The following IGSF3 variants were observed in gnomAD, a reference collection of about 807,000 sequenced individuals.
IGSF3 encodes the protein immunoglobulin superfamily member 3.
Under a neutral mutation model 114.4 loss-of-function variants are expected in IGSF3, and 23 were observed. The ratio of observed to expected loss-of-function variants is 0.20; its 90% CI spans 0.14 to 0.28. The LOEUF (loss-of-function observed/expected upper bound fraction) is 0.28, where lower values mean the gene tolerates loss of function less well. Ranked by LOEUF, IGSF3 falls within the 10% of genes least tolerant of loss-of-function variation. IGSF3 has a pLI of 1.00. For synonymous variants in IGSF3, 571 were observed against 645.2 expected, an observed-to-expected ratio of 0.88 and a Z score of 1.74; for missense variants, 1,172 against 1,591.5, an observed-to-expected ratio of 0.74 and a Z score of 4.48.
At position 116,618,576 on chromosome 1, in the gene IGSF3, A is replaced by G. The variant is rs534011412; in HGVS notation, c.44-2119T>C. On this transcript the variant is annotated intron_variant, in intron 2 of 10. Coordinates refer to ENST00000369486, the MANE Select transcript of IGSF3 (RefSeq NM_001007237.3). This position sits in a 1 kb window ranked among gnomAD's most constrained non-coding sequence, Gnocchi z 4.7. ...GGGACATTTCATTTTCCATAATAAA[A>G]TATATAAATGAAAATATATATCCCA... is the stretch of plus-strand genomic sequence containing the variant. Among the ~76,000 whole-genome samples, 1 of 152,348 alleles carries G rather than the reference A, an allele frequency of 6.6e-6. No individual in the cohort carries two copies. The highest frequency in any genetic ancestry group is 2.1e-4 in the South Asian group (1 of 4,826).
chr1:116,574,565 A>G lies in IGSF3; in HGVS notation c.*2747T>C, dbSNP rs567171613. The G allele has an allele frequency of 6.5e-6, 1 of 152,684 alleles. No individual in the cohort carries two copies. Among genetic ancestry groups the G allele is most frequent in the Non-Finnish European group, 1.5e-5 (1 of 68,016 alleles). The allele number at this position is 152,684 out of a possible 1,614,324, so 9.5% of individuals were successfully genotyped here. Reference sequence around the variant, plus strand: ...CTTACCCCATCTTTTTTTTTCCTCAATAATTAACGCAGAGAAACCATTGTT... The same window carrying G: ...CTTACCCCATCTTTTTTTTTCCTCAGTAATTAACGCAGAGAAACCATTGTT... On this transcript the variant is annotated 3_prime_UTR_variant, in exon 11 of 11. Transcript: ENST00000369486. This position sits in a 1 kb window ranked among gnomAD's most constrained non-coding sequence, Gnocchi z 5.2.
intron 7 of IGSF3, among the ~76,000 whole-genome samples, chr1:116,590,714 C>A (rs1660073423): frequency 1.3e-5 from 2 of 152,094 alleles, no homozygotes; most frequent in African/African-American, 4.8e-5. Context: ...ATGACCCTGG[C>A]CTGCCAGCTG....
In IGSF3 at chr1:116,603,928, C is replaced by A. The variant is rs371121579; in HGVS notation, c.1320G>T (p.Pro440=). The change falls in exon 6 of 11, where the codon CCG becomes CCT. Residue 440 remains proline, a synonymous_variant. Transcript: ENST00000369486. The surrounding 1 kb of genome is among the most constrained non-coding windows in gnomAD (Gnocchi z 7.1). ...GCCAGATGACAGAGAAGCGACCCTG[C>A]GGCCTGCCTGCCGTGCGGACACTGC... ...FSCSVRTAGR[P]QGRFSVIWQL... is the part of the protein sequence containing the mutation. The A allele has an allele frequency of 4.1e-5, 66 of 1,613,926 alleles. No individual in the cohort carries two copies. The African/African-American group carries it at 6.5e-4, about 16-fold the overall frequency.
Position 116,629,835 on chromosome 1 carries a change from C to T in IGSF3, c.44-13378G>A, listed in dbSNP as rs1647474696. Among the ~76,000 whole-genome samples the T allele has an allele frequency of 6.6e-6, 1 of 152,166 alleles. No individual in the cohort carries two copies. Among genetic ancestry groups the T allele is most frequent in the African/African-American group, 2.4e-5 (1 of 41,436 alleles). On this transcript the variant is annotated intron_variant, in intron 2 of 10. Transcript: ENST00000369486. This position sits in a 1 kb window ranked among gnomAD's most constrained non-coding sequence, Gnocchi z 4.3. Reference sequence around the variant, plus strand: ...TTCTGAGTTATTAAACTTTCCATTCCATGTTGATCCCTTCCAAGCCTTCTA... The same window carrying T: ...TTCTGAGTTATTAAACTTTCCATTCTATGTTGATCCCTTCCAAGCCTTCTA...
rs1660983629 is a variant in IGSF3 at position 116,610,600 on chromosome 1, T to C, written c.833-2269A>G. Among the ~76,000 whole-genome samples, 1 of 152,138 alleles carries C rather than the reference T, an allele frequency of 6.6e-6. No individual in the cohort carries two copies. Among genetic ancestry groups the C allele is most frequent in the East Asian group, 1.9e-4 (1 of 5,194 alleles). On this transcript the variant is annotated intron_variant, in intron 4 of 10. Transcript: ENST00000369486. The surrounding 1 kb of genome is among the most constrained non-coding windows in gnomAD (Gnocchi z 4.3). Reference sequence around the variant, plus strand: ...CCTACCCCCATCCTAACCAAAGGCTTTCCTCAAGCAGGTTGAGGCCTCTGA... The same window carrying C: ...CCTACCCCCATCCTAACCAAAGGCTCTCCTCAAGCAGGTTGAGGCCTCTGA...
rs1020791600 is a variant in IGSF3, at chr1:116,647,102, G to A, written c.43+19182C>T. 1.3e-5 allele frequency among the ~76,000 whole-genome samples: 2 copies of A among 152,300 alleles called. No homozygotes were observed. The highest frequency in any genetic ancestry group is 2.9e-5 in the Non-Finnish European group (2 of 68,028). On this transcript the variant is annotated intron_variant, in intron 2 of 10. Coordinates refer to ENST00000369486, the MANE Select transcript of IGSF3 (RefSeq NM_001007237.3). This position sits in a 1 kb window ranked among gnomAD's most constrained non-coding sequence, Gnocchi z 4.6. Reference sequence around the variant, plus strand: ...ATGGAGAGGGCAGCAATAAAAACTGGGGGACACTTAGAGGCAAAGGTATGG... The same window carrying A: ...ATGGAGAGGGCAGCAATAAAAACTGAGGGACACTTAGAGGCAAAGGTATGG...
chr1:116,663,350 C>G (rs1221133807), intron 2 of IGSF3, among the ~76,000 whole-genome samples: 1 of 152,156 alleles, frequency 6.6e-6, no homozygotes, highest in Non-Finnish European at 1.5e-5. Flanking sequence ...TCACCCTTCC[C>G]TTCCTACCAC....
At chr1:116,599,387 C>A (rs547616176) in intron 7 of IGSF3, among the ~76,000 whole-genome samples, 2 of 120,304 alleles carry the variant, frequency 1.7e-5, no homozygotes, top group South Asian at 4.7e-4. Flanking sequence ...CAGACACATA[C>A]ATATACACAC....
Position 116,607,842 on chromosome 1 carries a change from T to C in IGSF3, c.1222+100A>G. 8.3e-7 allele frequency: 1 copy of C among 1,208,076 alleles called. No homozygotes were observed. Among genetic ancestry groups the C allele is most frequent in the Non-Finnish European group, 1.2e-6 (1 of 837,982 alleles). The allele number at this position is 1,208,076 out of a possible 1,614,324, so 74.8% of individuals were successfully genotyped here. ...CTCTGCATTAACCTCGAGGGTTCCATCTGCCTCCCCTCACCTTCACCACGC... is the reference window on the plus strand; with the variant it reads ...CTCTGCATTAACCTCGAGGGTTCCACCTGCCTCCCCTCACCTTCACCACGC... On this transcript the variant is annotated intron_variant, in intron 5 of 10. Transcript: ENST00000369486. This position sits in a 1 kb window ranked among gnomAD's most constrained non-coding sequence, Gnocchi z 6.1.
In IGSF3 at chr1:116,634,810, G is replaced by A. The variant is rs538596628; in HGVS notation, c.44-18353C>T. Reference sequence around the variant, plus strand: ...TAAGGCTAGGTCACAAACAGGGAACGCAGCTTCTGCCAGCTCTCCTGGGAC... The same window carrying A: ...TAAGGCTAGGTCACAAACAGGGAACACAGCTTCTGCCAGCTCTCCTGGGAC... On this transcript the variant is annotated intron_variant, in intron 2 of 10. Transcript: ENST00000369486. This position sits in a 1 kb window ranked among gnomAD's most constrained non-coding sequence, Gnocchi z 4.2. Among the ~76,000 whole-genome samples the A allele has an allele frequency of 1.4e-4, 22 of 152,210 alleles. No homozygotes were observed. The highest frequency in any genetic ancestry group is 3.4e-3 in the Middle Eastern group (1 of 294).
At position 116,583,797 on chromosome 1, in the gene IGSF3, A is replaced by C. The variant is rs1460592618; in HGVS notation, c.2848+848T>G. Among the ~76,000 whole-genome samples, 1 of 152,260 alleles carries C rather than the reference A, an allele frequency of 6.6e-6. No homozygotes were observed. Among genetic ancestry groups the C allele is most frequent in the Non-Finnish European group, 1.5e-5 (1 of 68,050 alleles). On this transcript the variant is annotated intron_variant, in intron 9 of 10. Coordinates refer to ENST00000369486, the MANE Select transcript of IGSF3 (RefSeq NM_001007237.3). The surrounding 1 kb of genome is among the most constrained non-coding windows in gnomAD (Gnocchi z 4.5). ...TGATTATGTGTTTAAATGTGCAACA[A>C]CAATTATACCTAGTAATTACATGCA...
At chr1:116,619,612 A>AC (rs1440437081) in intron 2 of IGSF3, among the ~76,000 whole-genome samples, 1 of 151,598 alleles carries the variant, frequency 6.6e-6, no homozygotes, top group Non-Finnish European at 1.5e-5. Flanking sequence ...CACACATCCC[A>AC]CCCCACCATT....
In IGSF3 at chr1:116,665,020, A is replaced by G. The variant is rs751237841; in HGVS notation, c.43+1264T>C. ...AGTTTGAGAACCACTGATTGCACAA[A>G]TCTATTATGAGTTTCAGACATTATT... On this transcript the variant is annotated intron_variant, in intron 2 of 10. Transcript: ENST00000369486. The surrounding 1 kb of genome is among the most constrained non-coding windows in gnomAD (Gnocchi z 4.0). Among the ~76,000 whole-genome samples, 1 of 152,322 alleles carries G rather than the reference A, an allele frequency of 6.6e-6. No homozygotes were observed. Among genetic ancestry groups the G allele is most frequent in the Non-Finnish European group, 1.5e-5 (1 of 68,036 alleles).
chr1:116,588,477 G>C lies in IGSF3; in HGVS notation c.2440+217C>G, dbSNP rs902238501. Among the ~76,000 whole-genome samples the C allele has an allele frequency of 1.3e-5, 2 of 152,158 alleles. No individual in the cohort carries two copies. Among genetic ancestry groups the C allele is most frequent in the South Asian group, 4.1e-4 (2 of 4,826 alleles). ...TGGTATCCACAGAAGCAGAGTCAAG[G>C]ATGCTTCCATGAGTCTGCCGTCAGC... On this transcript the variant is annotated intron_variant, in intron 8 of 10. Transcript: ENST00000369486. This position sits in a 1 kb window ranked among gnomAD's most constrained non-coding sequence, Gnocchi z 4.9.
At chr1:116,660,840 A>C (rs1649082506) in intron 2 of IGSF3, among the ~76,000 whole-genome samples, 1 of 152,232 alleles carries the variant, frequency 6.6e-6, no homozygotes, top group Non-Finnish European at 1.5e-5. Flanking sequence ...AAGCTCTATA[A>C]TCAGACAAAT....
At position 116,651,175 on chromosome 1, in the gene IGSF3, C is replaced by T. The variant is rs988768064; in HGVS notation, c.43+15109G>A. 5.9e-5 allele frequency among the ~76,000 whole-genome samples: 9 copies of T among 152,156 alleles called. No individual in the cohort carries two copies. The highest frequency in any genetic ancestry group is 1.2e-4 in the Non-Finnish European group (8 of 68,020). The stretch of plus-strand genomic sequence containing the variant: ...GAATGAGTGCATGATCTCATGAGCT[C>T]TGGTCTGGAAAAGTAAGTCTCCCTA... On this transcript the variant is annotated intron_variant, in intron 2 of 10. Transcript: ENST00000369486. The surrounding 1 kb of genome is among the most constrained non-coding windows in gnomAD (Gnocchi z 4.4).
At position 116,579,728 on chromosome 1, in the gene IGSF3, T is replaced by G; in HGVS notation, c.2998A>C (p.Lys1000Gln). 6.2e-7 allele frequency: 1 copy of G among 1,613,680 alleles called. No homozygotes were observed. Among genetic ancestry groups the G allele is most frequent in the African/African-American group, 1.3e-5 (1 of 74,894 alleles). Reference sequence around the variant, plus strand: ...TCTTCCAGGCCAGGGCTGCTCCTTTTCCCCCCAGCTTTAGTCCTCAGGGAA... The same window carrying G: ...TCTTCCAGGCCAGGGCTGCTCCTTTGCCCCCCAGCTTTAGTCCTCAGGGAA... ...WYSLRTKAGGKRSSPGLEEQE... is the reference protein window; with the variant it reads ...WYSLRTKAGGQRSSPGLEEQE... The change falls in exon 10 of 11, where the codon AAA (lysine) becomes CAA (glutamine). Residue 1000 changes from lysine (K) to glutamine (Q), a missense_variant. Transcript: ENST00000369486. The surrounding 1 kb of genome is among the most constrained non-coding windows in gnomAD (Gnocchi z 6.4).
intron 9 of IGSF3, among the ~76,000 whole-genome samples, chr1:116,580,089 A>T (rs1416674900): frequency 1.3e-5 from 2 of 152,232 alleles, no homozygotes; most frequent in Non-Finnish European, 2.9e-5. Context: ...ATGTCATTGT[A>T]TGCAGAAAAC....
At position 116,635,410 on chromosome 1, in the gene IGSF3, A is replaced by G. The variant is rs184161904; in HGVS notation, c.44-18953T>C. Among the ~76,000 whole-genome samples, 79 of 151,968 alleles carry G rather than the reference A, an allele frequency of 5.2e-4. 1 individual carries two copies. Among genetic ancestry groups the G allele is most frequent in the African/African-American group, 1.8e-3 (74 of 41,456 alleles). ...TCTCTCATTTCTTAATATGACCCTC[A>G]CCCATGGAGTGTCCCTAGATTCTGC... On this transcript the variant is annotated intron_variant, in intron 2 of 10. Transcript: ENST00000369486.
Sources: gnomAD v4.1 joint callset for allele counts (sites outside exome capture counted in the v4.1 genomes callset) on GRCh38, gnomAD v4.1.1 for gene constraint, Gnocchi (gnomAD v3.1) non-coding constraint, MANE v1.5 for transcripts, NCBI Gene and HGNC (gene_info 2026-07-23, HGNC 2026-07-21) for gene names.